CDH13: variants seen among roughly 807,000 people sequenced by gnomAD.
CDH13 encodes the protein cadherin 13.
In CDH13, 24 loss-of-function variants were observed where a neutral mutation model predicts 63.8. That is an observed-to-expected ratio of 0.38 (90% CI 0.27 to 0.53). The LOEUF is 0.53. CDH13 is among the 20% of genes least tolerant of loss of function. The pLI, the probability that CDH13 is intolerant of heterozygous loss-of-function variation, is 0.85. For missense variants in CDH13, 1,049 were observed against 903.1 expected, an observed-to-expected ratio of 1.16 and a Z score of -2.07; for synonymous variants, 503 against 355.3, an observed-to-expected ratio of 1.42 and a Z score of -4.67.
At chr16:82,834,413 AAGG>A (rs1380000719) in intron 1 of CDH13, among the ~76,000 whole-genome samples, 1 of 152,178 alleles carries the variant, frequency 6.6e-6, no homozygotes, top group Non-Finnish European at 1.5e-5. Flanking sequence ...CAGGGCCAAG[AAGG>A]AGATCAGGTT....
intron 2 of CDH13, among the ~76,000 whole-genome samples, chr16:82,976,701 T>C (rs563940720): frequency 5.7e-4 from 87 of 152,250 alleles, no homozygotes; most frequent in South Asian, 1.7e-3. Flanking sequence ...GACTCCCAAA[T>C]AGGGCTGTTG....
chr16:82,773,517 T>C (rs1385225023), intron 1 of CDH13: 1 of 152,286 alleles, frequency 6.6e-6, no homozygotes, highest in Admixed American at 6.5e-5. Context: ...CTTTGAACAT[T>C]AGGTAGGTCT....
chr16:83,109,114 G>T (rs1567837989), intron 3 of CDH13, among the ~76,000 whole-genome samples: 1 of 152,192 alleles, frequency 6.6e-6, no homozygotes, highest in East Asian at 1.9e-4. Flanking sequence ...CTACTATCCA[G>T]TGGGCTCATG....
At chr16:82,938,739 G>A (rs557098454) in intron 2 of CDH13, among the ~76,000 whole-genome samples, 48 of 152,312 alleles carry the variant, frequency 3.2e-4, no homozygotes, top group South Asian at 2.7e-3. Context: ...GAGAGTCAAC[G>A]TAGGGTGCAG....
At chr16:83,342,628 G>T (rs1167808047) in intron 5 of CDH13, among the ~76,000 whole-genome samples, 3 of 152,140 alleles carry the variant, frequency 2.0e-5, no homozygotes, top group Non-Finnish European at 4.4e-5. Context: ...AATCAATGGT[G>T]TCTCCTTAGT....
rs1176544953 is a variant in CDH13 at position 83,025,144 on chromosome 16, A to G, written c.158-6866A>G. On this transcript the variant is annotated intron_variant, in intron 2 of 13. Coordinates refer to ENST00000567109, the MANE Select transcript of CDH13 (RefSeq NM_001257.5). ...GGTGATCATTCTCATTCATGGAGCA[A>G]CAAGCTCTGTCCTAAGTGCTTTCTG... 7.2e-5 allele frequency among the ~76,000 whole-genome samples: 11 copies of G among 152,248 alleles called. No individual in the cohort carries two copies. In the East Asian group the frequency reaches 2.1e-3, roughly 29 times the overall value.
intron 6 of CDH13, among the ~76,000 whole-genome samples, chr16:83,366,083 A>G (rs987282322): frequency 1.3e-5 from 2 of 152,246 alleles, no homozygotes; most frequent in Non-Finnish European, 2.9e-5. Flanking sequence ...AAACTAATAC[A>G]GAATGTGGTT....
intron 5 of CDH13, among the ~76,000 whole-genome samples, chr16:83,289,799 T>C (rs2089420647): frequency 6.6e-6 from 1 of 152,218 alleles, no homozygotes; most frequent in African/African-American, 2.4e-5. Flanking sequence ...TTTATGACAA[T>C]GTCTATCATA....
chr16:83,254,949 CTCTTTCTT>C lies in CDH13; in HGVS notation c.636+37510_636+37517del, dbSNP rs11269178. Among the ~76,000 whole-genome samples, 24 of 6,740 alleles carry C rather than the reference CTCTTTCTT, an allele frequency of 3.6e-3. 1 individual carries two copies. Among genetic ancestry groups the C allele is most frequent in the Admixed American group, 5.2e-3 (2 of 386 alleles). The allele number at this position is 6,740 out of a possible 152,430, so 4.4% of individuals were successfully genotyped here. ...GCTCTTTCTTGGATTTTTTCTTTTT[CTCTTTCTT>C]TCTTTCTTTCTTTCTTTCTTTCTTT... On this transcript the variant is annotated intron_variant, in intron 5 of 13. Coordinates refer to ENST00000567109, the MANE Select transcript of CDH13 (RefSeq NM_001257.5).
chr16:83,772,247 G>T (rs1054122251), intron 11 of CDH13, among the ~76,000 whole-genome samples: 1 of 151,894 alleles, frequency 6.6e-6, no homozygotes, highest in African/African-American at 2.4e-5. Flanking sequence ...ATCTATACTG[G>T]CTAAAGTCAG....
chr16:83,197,387 A>C (rs764130553), intron 4 of CDH13, among the ~76,000 whole-genome samples: 1 of 152,096 alleles, frequency 6.6e-6, no homozygotes, highest in African/African-American at 2.4e-5. Flanking sequence ...TTGTGGTGCA[A>C]ATAATGCAAT....
intron 2 of CDH13, among the ~76,000 whole-genome samples, chr16:82,870,227 T>C (rs1322942096): frequency 6.6e-6 from 1 of 152,156 alleles, no homozygotes; most frequent in Non-Finnish European, 1.5e-5. Context: ...CCAACCTCAC[T>C]AATCATCAGA....
chr16:83,569,750 T>C (rs1835045069), intron 7 of CDH13, among the ~76,000 whole-genome samples: 1 of 152,154 alleles, frequency 6.6e-6, no homozygotes, highest in African/African-American at 2.4e-5. Context: ...TGTTTTGTTT[T>C]GTTTGAGATG....
chr16:83,426,677 A>G (rs186815960), intron 6 of CDH13, among the ~76,000 whole-genome samples: 12 of 152,066 alleles, frequency 7.9e-5, no homozygotes, highest in South Asian at 4.1e-4. Flanking sequence ...GTCTGCCTAC[A>G]TGGTGCTTGG....
At chr16:83,223,067 C>T (rs1047203312) in intron 5 of CDH13, among the ~76,000 whole-genome samples, 1 of 46,978 alleles carries the variant, frequency 2.1e-5, no homozygotes, top group African/African-American at 4.8e-5. Context: ...CTATAAGGGG[C>T]AAAATTGAGA....
At chr16:83,515,121 T>A (rs1279527455) in intron 7 of CDH13, among the ~76,000 whole-genome samples, 1 of 152,102 alleles carries the variant, frequency 6.6e-6, no homozygotes, top group Non-Finnish European at 1.5e-5. Context: ...GGGTTCAGGT[T>A]CTGGAGACGT....
chr16:82,727,013 A>C (rs2033133931), intron 1 of CDH13, among the ~76,000 whole-genome samples: 2 of 152,096 alleles, frequency 1.3e-5, no homozygotes, highest in African/African-American at 2.4e-5. Flanking sequence ...TCTTCTTCTA[A>C]TGAAGTGCCC....
At chr16:83,161,686 C>T (rs558498187) in intron 4 of CDH13, among the ~76,000 whole-genome samples, 9 of 152,214 alleles carry the variant, frequency 5.9e-5, no homozygotes, top group African/African-American at 2.2e-4. Flanking sequence ...GTTAAAGAAT[C>T]ACCCACCATG....
At chr16:83,236,638 G>C (rs1440697242) in intron 5 of CDH13, among the ~76,000 whole-genome samples, 2 of 152,092 alleles carry the variant, frequency 1.3e-5, no homozygotes, top group Admixed American at 6.5e-5. Context: ...TGTTAACATA[G>C]TGGTAGCTAG....
Sources: gnomAD v4.1 joint callset for allele counts (sites outside exome capture counted in the v4.1 genomes callset) on GRCh38, gnomAD v4.1.1 for gene constraint, MANE v1.5 for transcripts, NCBI Gene and HGNC (gene_info 2026-07-23, HGNC 2026-07-21) for gene names.